The following RTL4 variants were observed in gnomAD, a reference collection of about 807,000 sequenced individuals.
RTL4 encodes the protein retrotransposon Gag like 4.
RTL4 carries 4 observed loss-of-function variants against 5.3 expected under a neutral mutation model. The observed-to-expected ratio is 0.75, with a 90% CI of 0.37 to 1.72. RTL4 has a LOEUF of 1.72. RTL4 is among the 40% of genes most tolerant of loss of function. The pLI, the probability that RTL4 is intolerant of heterozygous loss-of-function variation, is 0.04. For missense variants in RTL4, 260 were observed against 227.1 expected, an observed-to-expected ratio of 1.14 and a Z score of -0.93; for synonymous variants, 98 against 87.3, an observed-to-expected ratio of 1.12 and a Z score of -0.68.
At chrX:112,212,093 T>G in the RTL4 span, among the ~76,000 whole-genome samples, 1 of 112,414 alleles carries the variant, frequency 8.9e-6, no homozygotes, top group Non-Finnish European at 1.9e-5. Context: ...TTAAAAGAAG[T>G]GGGCCGGGCG....
the RTL4 span, among the ~76,000 whole-genome samples, chrX:112,431,255 G>A: frequency 4.7e-5 from 5 of 105,722 alleles, no homozygotes; most frequent in African/African-American, 1.7e-4. Flanking sequence ...AGGCTCTGGT[G>A]AAAAAAAAAA....
chrX:112,246,823 C>A, the RTL4 span, among the ~76,000 whole-genome samples: 1 of 111,432 alleles, frequency 9.0e-6, no homozygotes, highest in Non-Finnish European at 1.9e-5. Context: ...GAGCTGCAGA[C>A]TTGAGCTGTT....
the RTL4 span, among the ~76,000 whole-genome samples, chrX:112,097,960 CT>C: frequency 2.7e-5 from 3 of 111,026 alleles, no homozygotes; most frequent in Non-Finnish European, 3.8e-5. Flanking sequence ...TAAGTTAGTT[CT>C]TTTTTTTATT....
At chrX:112,434,853 G>T in the RTL4 span, among the ~76,000 whole-genome samples, 3 of 111,396 alleles carry the variant, frequency 2.7e-5, no homozygotes, top group East Asian at 8.5e-4. Flanking sequence ...CTGCTGTGAG[G>T]AAATATCCGA....
At chrX:112,230,495 G>A in the RTL4 span, among the ~76,000 whole-genome samples, 2 of 112,153 alleles carry the variant, frequency 1.8e-5, no homozygotes, top group Non-Finnish European at 3.8e-5. Context: ...GCAATGCCTC[G>A]CCCTGCTTCG....
chrX:112,328,436 A>T, the RTL4 span, among the ~76,000 whole-genome samples: 11 of 111,628 alleles, frequency 9.9e-5, no homozygotes, highest in East Asian at 1.4e-3. Context: ...GGTAAAGGGA[A>T]CAATTCAACA....
chrX:112,097,092 C>T, the RTL4 span, among the ~76,000 whole-genome samples: 2 of 111,598 alleles, frequency 1.8e-5, no homozygotes, highest in Non-Finnish European at 3.8e-5. Flanking sequence ...ATGTAACCAA[C>T]CTTAACCCCA....
chrX:112,230,045 G>C, the RTL4 span, among the ~76,000 whole-genome samples: 27,063 of 111,420 alleles, frequency 0.24, 3,101 homozygotes, highest in African/African-American at 0.46. Flanking sequence ...AACCACTACT[G>C]TCTTCAAAGC....
chrX:112,101,104 G>A, the RTL4 span, among the ~76,000 whole-genome samples: 5 of 111,566 alleles, frequency 4.5e-5, no homozygotes, highest in African/African-American at 9.7e-5. Context: ...TTCATGAAAC[G>A]TTAAAAAAAT....
the RTL4 span, among the ~76,000 whole-genome samples, chrX:112,419,635 A>ATATGTAAATATATATATATTTAC: frequency 1.0e-5 from 1 of 96,188 alleles, no homozygotes; most frequent in African/African-American, 4.0e-5. Context: ...TTAAGTATGT[A>ATATGTAAATATATATATATTTAC]AATCTGACTC....
chrX:112,356,579 GGTGTGTGT>G, the RTL4 span, among the ~76,000 whole-genome samples: 18 of 99,433 alleles, frequency 1.8e-4, no homozygotes, highest in African/African-American at 4.1e-4. Context: ...TTTGTTTTGG[GGTGTGTGT>G]GTGTGTGTGT....
chrX:112,265,883 A>G, the RTL4 span, among the ~76,000 whole-genome samples: 2 of 109,727 alleles, frequency 1.8e-5, no homozygotes, highest in Non-Finnish European at 3.8e-5. Flanking sequence ...CTCTAGAACT[A>G]TAATGTGAGC....
chrX:112,451,332 T>C (rs1042424036), upstream of RTL4, among the ~76,000 whole-genome samples: 1 of 110,687 alleles, frequency 9.0e-6, no homozygotes, highest in African/African-American at 3.3e-5. Flanking sequence ...AAACCTCACC[T>C]CCAAACAACA....
chrX:112,375,469 C>A, the RTL4 span, among the ~76,000 whole-genome samples: 1 of 111,388 alleles, frequency 9.0e-6, no homozygotes, highest in Admixed American at 9.5e-5. Context: ...TCTTTGATAG[C>A]ATCTTGTATA....
chrX:112,189,812 G>A, the RTL4 span, among the ~76,000 whole-genome samples: 1 of 111,208 alleles, frequency 9.0e-6, no homozygotes, highest in African/African-American at 3.3e-5. Context: ...CTGAAATGCT[G>A]TGATGAACAA....
chrX:112,132,622 A>C, the RTL4 span, among the ~76,000 whole-genome samples: 3 of 112,279 alleles, frequency 2.7e-5, no homozygotes, highest in Non-Finnish European at 3.8e-5. Flanking sequence ...TGGAACTAGA[A>C]AGAGAATTAC....
the RTL4 span, among the ~76,000 whole-genome samples, chrX:112,326,846 C>A: frequency 9.0e-6 from 1 of 111,713 alleles, no homozygotes; most frequent in African/African-American, 3.2e-5. Context: ...GGGTCCCTGA[C>A]CCCTGACCCC....
the RTL4 span, among the ~76,000 whole-genome samples, chrX:112,440,500 TA>T: frequency 8.9e-6 from 1 of 111,858 alleles, no homozygotes. Context: ...GGGTATATTT[TA>T]AAAAGCTGTC....
At chrX:112,265,861 G>T in the RTL4 span, among the ~76,000 whole-genome samples, 4 of 107,465 alleles carry the variant, frequency 3.7e-5, no homozygotes, top group Non-Finnish European at 7.7e-5. Context: ...TCCCAATTCT[G>T]TGCCACCTTC....
Sources: allele counts gnomAD v4.1 joint callset (sites outside exome capture counted in the v4.1 genomes callset), GRCh38; gene constraint gnomAD v4.1.1; transcripts MANE v1.5; gene names NCBI Gene and HGNC (gene_info 2026-07-23, HGNC 2026-07-21).